The following CNTN3 variants were observed in gnomAD, a reference collection of about 807,000 sequenced individuals.
The protein encoded by CNTN3 is contactin 3.
A neutral mutation model predicts 119.1 loss-of-function variants in CNTN3; 60 were observed. The observed-to-expected ratio is 0.50, with a 90% confidence interval of 0.41 to 0.62. The LOEUF (loss-of-function observed/expected upper bound fraction) is 0.62, where lower values mean the gene tolerates loss of function less well. Ranked by LOEUF, CNTN3 falls within the 20% of genes least tolerant of loss-of-function variation. CNTN3 has a pLI of 0.00. For synonymous variants in CNTN3, 450 were observed against 438.7 expected, an observed-to-expected ratio of 1.03 and a Z score of -0.32; for missense variants, 1,101 against 1,242.4, an observed-to-expected ratio of 0.89 and a Z score of 1.71.
intron 13 of CNTN3, among the ~76,000 whole-genome samples, chr3:74,319,603 T>C (rs1187329143): frequency 2.0e-5 from 3 of 151,974 alleles, no homozygotes; most frequent in Non-Finnish European, 2.9e-5. Context: ...GACATAGGCA[T>C]GGGCAAGGAC....
At chr3:74,273,335 G>A (rs1701818200) in intron 20 of CNTN3, among the ~76,000 whole-genome samples, 1 of 152,202 alleles carries the variant, frequency 6.6e-6, no homozygotes, top group African/African-American at 2.4e-5. Flanking sequence ...CGACTCGGAT[G>A]GACAGAGCAG....
intron 5 of CNTN3, among the ~76,000 whole-genome samples, chr3:74,386,222 G>T (rs1704741370): frequency 6.6e-6 from 1 of 152,138 alleles, no homozygotes; most frequent in Admixed American, 6.6e-5. Context: ...AATTCAAAAG[G>T]GTTGGGGAAT....
At chr3:74,556,173 C>T (rs1217870187) in intron 1 of CNTN3, among the ~76,000 whole-genome samples, 1 of 152,106 alleles carries the variant, frequency 6.6e-6, no homozygotes, top group Non-Finnish European at 1.5e-5. Flanking sequence ...ACCATAAAAT[C>T]CACCCTTTTA....
At chr3:74,405,701 G>T (rs1160845370) in intron 5 of CNTN3, among the ~76,000 whole-genome samples, 1 of 151,974 alleles carries the variant, frequency 6.6e-6, no homozygotes, top group Non-Finnish European at 1.5e-5. Flanking sequence ...CCAGTAAACT[G>T]CTGTTTCTTT....
intron 1 of CNTN3, among the ~76,000 whole-genome samples, chr3:74,543,078 T>A (rs1703864126): frequency 6.6e-6 from 1 of 152,014 alleles, no homozygotes; most frequent in Admixed American, 6.6e-5. Context: ...CAGTGTGCTA[T>A]GAGTGTACAC....
At chr3:74,481,805 C>T (rs1702769121) in intron 4 of CNTN3, among the ~76,000 whole-genome samples, 1 of 151,332 alleles carries the variant, frequency 6.6e-6, no homozygotes, top group South Asian at 2.1e-4. Flanking sequence ...ACATCAAATT[C>T]TAACAAATTA....
In CNTN3 at chr3:74,266,641, A is replaced by G; in HGVS notation, c.2826T>C (p.Tyr942=). 6.2e-7 allele frequency: 1 copy of G among 1,612,978 alleles called. No homozygotes were observed. Among genetic ancestry groups the G allele is most frequent in the Non-Finnish European group, 8.5e-7 (1 of 1,179,286 alleles). ...GTACGTTATTTTGACTGCTAGTCCT[A>G]TAGAAAACCTAAAATGCATGAACAA... ...ESEVTGYKVF[Y]RTSSQNNVQV... Residue 942 remains tyrosine (Y), a synonymous_variant, in exon 22 of 23, where the codon TAT becomes TAC. Coordinates refer to ENST00000263665, the MANE Select transcript of CNTN3 (RefSeq NM_020872.3).
At chr3:74,435,138 TTTGCA>T (rs1701845529) in intron 4 of CNTN3, among the ~76,000 whole-genome samples, 1 of 152,214 alleles carries the variant, frequency 6.6e-6, no homozygotes, top group Non-Finnish European at 1.5e-5. Context: ...TATCTCTGAT[TTTGCA>T]TTACCATCAT....
chr3:74,435,603 G>A (rs976356269), intron 4 of CNTN3, among the ~76,000 whole-genome samples: 1 of 152,156 alleles, frequency 6.6e-6, no homozygotes, highest in South Asian at 2.1e-4. Flanking sequence ...TCCACACTGA[G>A]TAAATGGGGA....
At chr3:74,501,982 A>C (rs1295137046) in intron 2 of CNTN3, among the ~76,000 whole-genome samples, 1 of 152,156 alleles carries the variant, frequency 6.6e-6, no homozygotes, top group Admixed American at 6.6e-5. Context: ...CTATTAATTG[A>C]ATTTATTGTC....
intron 1 of CNTN3, among the ~76,000 whole-genome samples, chr3:74,582,786 TGTG>T (rs1559667050): frequency 1.2e-4 from 9 of 77,092 alleles, no homozygotes; most frequent in African/African-American, 3.0e-4. Context: ...TATGCATTTG[TGTG>T]TGTGTGTGTG....
chr3:74,354,420 C>A (rs1048475707), intron 11 of CNTN3, among the ~76,000 whole-genome samples: 4 of 152,086 alleles, frequency 2.6e-5, no homozygotes, highest in Admixed American at 2.0e-4. Context: ...TTAAAATACA[C>A]CAACTGGCTC....
rs75899809 is a variant in CNTN3, at chr3:74,467,473, G to A, written c.358+18983C>T. ...AACATTTGCAAAATAGAATCACAGC[G>A]GTATAATGGATAAGCATTAAACCAG... On this transcript the variant is annotated intron_variant, in intron 4 of 22. Coordinates refer to ENST00000263665, the MANE Select transcript of CNTN3 (RefSeq NM_020872.3). 1.0e-3 allele frequency among the ~76,000 whole-genome samples: 153 copies of A among 152,044 alleles called. 1 individual carries two copies. The East Asian group carries it at 0.021, about 21-fold the overall frequency.
At chr3:74,498,414 T>G (rs1703102523) in intron 3 of CNTN3, among the ~76,000 whole-genome samples, 1 of 151,910 alleles carries the variant, frequency 6.6e-6, no homozygotes, top group Non-Finnish European at 1.5e-5. Context: ...AACTTTCTTA[T>G]TTCTATAGAA....
intron 3 of CNTN3, among the ~76,000 whole-genome samples, chr3:74,498,222 C>G (rs1336097941): frequency 6.6e-6 from 1 of 151,696 alleles, no homozygotes; most frequent in Admixed American, 6.6e-5. Flanking sequence ...GAGAAACAAA[C>G]AGATGCATTT....
intron 11 of CNTN3, among the ~76,000 whole-genome samples, chr3:74,341,432 T>TA (rs1308391038): frequency 6.6e-6 from 1 of 152,182 alleles, no homozygotes; most frequent in East Asian, 1.9e-4. Context: ...CACAAAACGT[T>TA]AAAAAACAAT....
At chr3:74,267,452 T>C in intron 20 of CNTN3, 74 bp from the exon 21 acceptor site, 2 of 1,029,754 alleles carry the variant, frequency 1.9e-6, no homozygotes, top group Non-Finnish European at 3.1e-6. Context: ...AGATGGCGGC[T>C]ATCATAGGAA....
chr3:74,596,224 G>A (rs1305897625), intron 1 of CNTN3, among the ~76,000 whole-genome samples: 1 of 151,878 alleles, frequency 6.6e-6, no homozygotes, highest in Non-Finnish European at 1.5e-5. Context: ...ATGCTCATGG[G>A]TAGGAAGAAT....
At chr3:74,562,423 A>T (rs1272202527) in intron 1 of CNTN3, among the ~76,000 whole-genome samples, 1 of 152,190 alleles carries the variant, frequency 6.6e-6, no homozygotes, top group African/African-American at 2.4e-5. Context: ...CACACACGTC[A>T]TTATTCCTTC....
Sources: gnomAD v4.1 joint callset for allele counts (sites outside exome capture counted in the v4.1 genomes callset) on GRCh38, gnomAD v4.1.1 for gene constraint, MANE v1.5 for transcripts, NCBI Gene and HGNC (gene_info 2026-07-23, HGNC 2026-07-21) for gene names.